The following KCNK12 variants were observed in gnomAD, a reference collection of about 807,000 sequenced individuals.
KCNK12 encodes the protein potassium channel subfamily K member 12.
In KCNK12, 6 loss-of-function variants were observed where a neutral mutation model predicts 25.3. The observed-to-expected ratio is 0.24, with a 90% CI of 0.13 to 0.47. KCNK12 has a LOEUF of 0.47. Among genes scored for constraint, KCNK12 ranks in the 20% least tolerant of loss-of-function variants. KCNK12 has a pLI of 0.99. For synonymous variants in KCNK12, 331 were observed against 311.1 expected (o/e 1.06, Z -0.67); for missense variants, 444 against 661.7 (o/e 0.67, Z 3.61).
At chr2:47,558,064 G>A (rs1254233262) in intron 1 of KCNK12, among the ~76,000 whole-genome samples, 1 of 152,232 alleles carries the variant, frequency 6.6e-6, no homozygotes, top group African/African-American at 2.4e-5. Context: ...TAAAACAGGT[G>A]CCTAGGTAGA....
In KCNK12 at chr2:47,547,459, G is replaced by C. The variant is rs545485205; in HGVS notation, c.391+22482C>G. Among the ~76,000 whole-genome samples the C allele has an allele frequency of 6.6e-6, 1 of 152,036 alleles. No individual in the cohort carries two copies. Among genetic ancestry groups the C allele is most frequent in the Non-Finnish European group, 1.5e-5 (1 of 68,004 alleles). ...GGTGATCTTTTCTTTTTCTTTTTGC[G>C]TCTGGGTCTGGCTCTATTGCCCAGG... is the stretch of plus-strand genomic sequence containing the variant. On this transcript the variant is annotated intron_variant, in intron 1 of 1. Coordinates refer to ENST00000327876, the MANE Select transcript of KCNK12 (RefSeq NM_022055.2). This position sits in a 1 kb window ranked among gnomAD's most constrained non-coding sequence, Gnocchi z 5.0.
chr2:47,552,507 C>T (rs1669459031), intron 1 of KCNK12, among the ~76,000 whole-genome samples: 1 of 152,228 alleles, frequency 6.6e-6, no homozygotes, highest in African/African-American at 2.4e-5. Context: ...GCGGCTCATG[C>T]CTGTAATCCC....
chr2:47,564,616 G>T (rs957112029), intron 1 of KCNK12: 3 of 184,522 alleles, frequency 1.6e-5, no homozygotes, highest in African/African-American at 4.7e-5. Context: ...CCTACAAAAG[G>T]CATGACAAGG....
chr2:47,550,433 A>C (rs959156640), intron 1 of KCNK12, among the ~76,000 whole-genome samples: 2 of 125,424 alleles, frequency 1.6e-5, no homozygotes, highest in African/African-American at 6.6e-5. Context: ...CCCAGGCTGG[A>C]GTGCAGTGGC....
chr2:47,548,014 C>A lies in KCNK12; in HGVS notation c.391+21927G>T, dbSNP rs1572600762. 6.6e-6 allele frequency among the ~76,000 whole-genome samples: 1 copy of A among 152,204 alleles called. No homozygotes were observed. The highest frequency in any genetic ancestry group is 2.1e-4 in the South Asian group (1 of 4,818). ...TCATGATAGTAAGTTCTCATGAGATCTGGTTGTTTAAAAGTGTGTAGCACC... is the reference window on the plus strand; with the variant it reads ...TCATGATAGTAAGTTCTCATGAGATATGGTTGTTTAAAAGTGTGTAGCACC... On this transcript the variant is annotated intron_variant, in intron 1 of 1. Transcript: ENST00000327876. The surrounding 1 kb of genome is among the most constrained non-coding windows in gnomAD (Gnocchi z 4.4).
Position 47,569,273 on chromosome 2 carries a change from C to A in KCNK12, c.391+668G>T, listed in dbSNP as rs751610234. Among the ~76,000 whole-genome samples, 28 of 152,076 alleles carry A rather than the reference C, an allele frequency of 1.8e-4. No individual in the cohort carries two copies. Among genetic ancestry groups the A allele is most frequent in the Non-Finnish European group, 4.4e-5 (3 of 68,024 alleles). The stretch of plus-strand genomic sequence containing the variant: ...AGTGGCAAGGGAACAAAAAAAGGGT[C>A]AAGAAATTGGAGAAGGGGCTGGGAG... On this transcript the variant is annotated intron_variant, in intron 1 of 1. Coordinates refer to ENST00000327876, the MANE Select transcript of KCNK12 (RefSeq NM_022055.2). This position sits in a 1 kb window ranked among gnomAD's most constrained non-coding sequence, Gnocchi z 4.1.
In KCNK12 at chr2:47,557,726, G is replaced by A. The variant is rs776008124; in HGVS notation, c.391+12215C>T. Reference sequence around the variant, plus strand: ...TCTGCTTGACTGCACCAAGAGGCCCGAACAACTCCAATCAGTACAGGTGTA... The same window carrying A: ...TCTGCTTGACTGCACCAAGAGGCCCAAACAACTCCAATCAGTACAGGTGTA... On this transcript the variant is annotated intron_variant, in intron 1 of 1. Transcript: ENST00000327876. This position sits in a 1 kb window ranked among gnomAD's most constrained non-coding sequence, Gnocchi z 4.9. Among the ~76,000 whole-genome samples the A allele has an allele frequency of 5.3e-5, 8 of 152,082 alleles. No individual in the cohort carries two copies. The highest frequency in any genetic ancestry group is 2.1e-4 in the South Asian group (1 of 4,808).
intron 1 of KCNK12, among the ~76,000 whole-genome samples, chr2:47,561,184 C>G (rs1669661630): frequency 6.6e-6 from 1 of 152,162 alleles, no homozygotes; most frequent in Non-Finnish European, 1.5e-5. Flanking sequence ...CTCAGCACAC[C>G]TGGAAACAAG....
Position 47,547,234 on chromosome 2 carries a change from C to T in KCNK12, c.391+22707G>A, listed in dbSNP as rs572616836. Reference sequence around the variant, plus strand: ...CAGATCTCTTCTTTTCTGGCTCCCACGAACACGCCCTGGGACTCTGTGGTT... The same window carrying T: ...CAGATCTCTTCTTTTCTGGCTCCCATGAACACGCCCTGGGACTCTGTGGTT... On this transcript the variant is annotated intron_variant, in intron 1 of 1. Coordinates refer to ENST00000327876, the MANE Select transcript of KCNK12 (RefSeq NM_022055.2). This position sits in a 1 kb window ranked among gnomAD's most constrained non-coding sequence, Gnocchi z 5.0. Among the ~76,000 whole-genome samples the T allele has an allele frequency of 9.9e-5, 15 of 152,204 alleles. No individual in the cohort carries two copies. The highest frequency in any genetic ancestry group is 1.5e-4 in the Non-Finnish European group (10 of 68,044).
chr2:47,527,377 C>T (rs908889851), intron 1 of KCNK12, among the ~76,000 whole-genome samples: 12 of 152,200 alleles, frequency 7.9e-5, no homozygotes, highest in Admixed American at 2.0e-4. Context: ...ATAACCTCCC[C>T]GTGGCACAGC....
In KCNK12 at chr2:47,511,397, C is replaced by T. The variant is rs1227327860; in HGVS notation, c.*9510G>A. Among the ~76,000 whole-genome samples, 2 of 152,178 alleles carry T rather than the reference C, an allele frequency of 1.3e-5. No individual in the cohort carries two copies. Among genetic ancestry groups the T allele is most frequent in the Non-Finnish European group, 2.9e-5 (2 of 68,046 alleles). ...TTTAATATAAATATTTGTGTGCCTG[C>T]GCCTGCATATATGTATTTGGACCAA... On this transcript the variant is annotated 3_prime_UTR_variant, in exon 2 of 2. Transcript: ENST00000327876. This position sits in a 1 kb window ranked among gnomAD's most constrained non-coding sequence, Gnocchi z 4.3.
chr2:47,548,930 T>G lies in KCNK12; in HGVS notation c.391+21011A>C, dbSNP rs1669368244. 6.6e-6 allele frequency among the ~76,000 whole-genome samples: 1 copy of G among 152,108 alleles called. No individual in the cohort carries two copies. Among genetic ancestry groups the G allele is most frequent in the Non-Finnish European group, 1.5e-5 (1 of 68,010 alleles). ...CACTGCTTAACTGCTGTAACTACTGTGGAGCACTGGAGAGGAAGGAACCAT... is the reference window on the plus strand; with the variant it reads ...CACTGCTTAACTGCTGTAACTACTGGGGAGCACTGGAGAGGAAGGAACCAT... On this transcript the variant is annotated intron_variant, in intron 1 of 1. Coordinates refer to ENST00000327876, the MANE Select transcript of KCNK12 (RefSeq NM_022055.2). This position sits in a 1 kb window ranked among gnomAD's most constrained non-coding sequence, Gnocchi z 4.4.
At position 47,525,096 on chromosome 2, in the gene KCNK12, T is replaced by G. The variant is rs1668739914; in HGVS notation, c.392-3288A>C. Among the ~76,000 whole-genome samples, 1 of 152,212 alleles carries G rather than the reference T, an allele frequency of 6.6e-6. No homozygotes were observed. Among genetic ancestry groups the G allele is most frequent in the Non-Finnish European group, 1.5e-5 (1 of 68,040 alleles). ...TAAAGCCTCAAAGCTGAGAACAGTA[T>G]GTGTACATTTCTCCCCATTCTAAAG... On this transcript the variant is annotated intron_variant, in intron 1 of 1. Coordinates refer to ENST00000327876, the MANE Select transcript of KCNK12 (RefSeq NM_022055.2). This position sits in a 1 kb window ranked among gnomAD's most constrained non-coding sequence, Gnocchi z 4.1.
chr2:47,545,477 G>A (rs771880844), intron 1 of KCNK12, among the ~76,000 whole-genome samples: 5 of 152,210 alleles, frequency 3.3e-5, no homozygotes, highest in Non-Finnish European at 7.3e-5. Flanking sequence ...GGATACAGAT[G>A]GATGTCTTTT....
chr2:47,561,109 A>C (rs1669660118), intron 1 of KCNK12, among the ~76,000 whole-genome samples: 1 of 152,156 alleles, frequency 6.6e-6, no homozygotes, highest in Admixed American at 6.5e-5. Flanking sequence ...CTCAGCCAGC[A>C]TCTGGCTTCC....
chr2:47,512,288 T>A lies in KCNK12; in HGVS notation c.*8619A>T. 1 of 1,612,018 alleles carries A rather than the reference T, an allele frequency of 6.2e-7. No homozygotes were observed. Among genetic ancestry groups the A allele is most frequent in the East Asian group, 2.2e-5 (1 of 44,870 alleles). ...GGAACTCCTACATTTTCTCCTCTCT[T>A]CTCCTTCCTTTCAGAACCTCAGAGT... On this transcript the variant is annotated 3_prime_UTR_variant, in exon 2 of 2. Transcript: ENST00000327876.
chr2:47,529,237 G>C lies in KCNK12; in HGVS notation c.392-7429C>G, dbSNP rs1668865080. The stretch of plus-strand genomic sequence containing the variant: ...AGGACAGCATGTATAAACCAGGGCT[G>C]TTCCAAGCAACTGGGACACATGATT... On this transcript the variant is annotated intron_variant, in intron 1 of 1. Coordinates refer to ENST00000327876, the MANE Select transcript of KCNK12 (RefSeq NM_022055.2). The surrounding 1 kb of genome is among the most constrained non-coding windows in gnomAD (Gnocchi z 4.3). The C allele has an allele frequency of 6.6e-6, 1 of 152,198 alleles. No homozygotes were observed. 9.4% of individuals were successfully genotyped at this position (152,198 alleles called of 1,614,324 possible). A position where few individuals can be genotyped will look rare whatever the true frequency, so the allele number is the denominator to read the frequency against.
In KCNK12 at chr2:47,515,028, T is replaced by C. The variant is rs865803638; in HGVS notation, c.*5879A>G. Reference sequence around the variant, plus strand: ...CACTGGAGTGTCATATGAAATGTTATAGGAATCACAGGCCTTAGAACTTGA... The same window carrying C: ...CACTGGAGTGTCATATGAAATGTTACAGGAATCACAGGCCTTAGAACTTGA... On this transcript the variant is annotated 3_prime_UTR_variant, in exon 2 of 2. Coordinates refer to ENST00000327876, the MANE Select transcript of KCNK12 (RefSeq NM_022055.2). Among the ~76,000 whole-genome samples, 6 of 152,278 alleles carry C rather than the reference T, an allele frequency of 3.9e-5. No homozygotes were observed. The highest frequency in any genetic ancestry group is 6.5e-5 in the Admixed American group (1 of 15,300).
intron 1 of KCNK12, among the ~76,000 whole-genome samples, chr2:47,536,505 G>A (rs983542988): frequency 6.6e-6 from 1 of 152,196 alleles, no homozygotes; most frequent in African/African-American, 2.4e-5. Flanking sequence ...CTCCATCTTA[G>A]TTTCAGTTAA....
Sources: gnomAD v4.1 joint callset for allele counts (sites outside exome capture counted in the v4.1 genomes callset) on GRCh38, gnomAD v4.1.1 for gene constraint, Gnocchi (gnomAD v3.1) non-coding constraint, MANE v1.5 for transcripts, NCBI Gene and HGNC (gene_info 2026-07-23, HGNC 2026-07-21) for gene names.